FAM135B: variants seen among roughly 807,000 people sequenced by gnomAD.
The protein encoded by FAM135B is family with sequence similarity 135 member B, also known as protein FAM135B.
FAM135B carries 43 observed loss-of-function variants against 127.7 expected under a neutral mutation model. The observed-to-expected ratio is 0.34, with a 90% CI of 0.26 to 0.43. FAM135B has a LOEUF of 0.43. FAM135B is among the 20% of genes least tolerant of loss of function. FAM135B has a pLI of 1.00. For missense variants in FAM135B, 1,558 were observed against 1,725.6 expected (o/e 0.90, Z 1.72); for synonymous variants, 670 against 665.1 (o/e 1.01, Z -0.11).
At chr8:138,276,741 C>T (rs1053426704) in intron 3 of FAM135B, among the ~76,000 whole-genome samples, 5 of 152,316 alleles carry the variant, frequency 3.3e-5, no homozygotes, top group Admixed American at 2.0e-4. Context: ...CACACCCACA[C>T]ACCAGGGTTG....
At chr8:138,300,729 G>A (rs545472703) in intron 3 of FAM135B, among the ~76,000 whole-genome samples, 10 of 144,670 alleles carry the variant, frequency 6.9e-5, no homozygotes, top group African/African-American at 1.8e-4. Context: ...TTTTCTTCCC[G>A]TGCCATTTTA....
chr8:138,427,052 A>T (rs1834928142), intron 1 of FAM135B, among the ~76,000 whole-genome samples: 1 of 152,000 alleles, frequency 6.6e-6, no homozygotes, highest in Non-Finnish European at 1.5e-5. Context: ...CAGAAAAAAT[A>T]TATACTGTCT....
chr8:138,169,637 CT>C (rs1185051395), intron 11 of FAM135B, among the ~76,000 whole-genome samples: 1 of 151,968 alleles, frequency 6.6e-6, no homozygotes, highest in Non-Finnish European at 1.5e-5. Context: ...AATTCTGTAC[CT>C]TTTGCCACCT....
At chr8:138,342,076 G>A (rs1829087939) in intron 2 of FAM135B, among the ~76,000 whole-genome samples, 4 of 152,146 alleles carry the variant, frequency 2.6e-5, no homozygotes, top group South Asian at 2.1e-4. Flanking sequence ...CCTACTAGGC[G>A]TCAAGCACTC....
intron 7 of FAM135B, among the ~76,000 whole-genome samples, chr8:138,225,655 G>GTC (rs1819369273): frequency 1.3e-5 from 2 of 152,066 alleles, no homozygotes; most frequent in Admixed American, 1.3e-4. Context: ...GTTTAATAAG[G>GTC]CACTGCTCTT....
chr8:138,440,848 T>C (rs545848923), intron 1 of FAM135B: 8 of 152,318 alleles, frequency 5.3e-5, no homozygotes, highest in East Asian at 1.9e-4. Flanking sequence ...CCAATTTCCA[T>C]GCCCCTTGGT....
At chr8:138,347,861 G>A (rs981959308) in intron 2 of FAM135B, among the ~76,000 whole-genome samples, 1 of 152,126 alleles carries the variant, frequency 6.6e-6, no homozygotes, top group East Asian at 1.9e-4. Flanking sequence ...TCTGTGTCTT[G>A]GTTCCCTTAC....
chr8:138,130,988 C>T lies in FAM135B; in HGVS notation c.*1605G>A, dbSNP rs1419457974. 1 of 152,212 alleles carries T rather than the reference C, an allele frequency of 6.6e-6. No homozygotes were observed. Among genetic ancestry groups the T allele is most frequent in the Non-Finnish European group, 1.5e-5 (1 of 68,050 alleles). The allele number at this position is 152,212 out of a possible 1,614,324, so 9.4% of individuals were successfully genotyped here. ...CATTCAACTCTCCCTCAACGACCCT[C>T]TCTTTCTTCAAAAGAATACCACATG... On this transcript the variant is annotated 3_prime_UTR_variant, in exon 20 of 20. Coordinates refer to ENST00000395297, the MANE Select transcript of FAM135B (RefSeq NM_015912.4).
chr8:138,426,028 T>TACACACAC (rs527267067), intron 1 of FAM135B, among the ~76,000 whole-genome samples: 1 of 42,984 alleles, frequency 2.3e-5, no homozygotes, highest in Non-Finnish European at 4.5e-5. Flanking sequence ...CACATACATA[T>TACACACAC]ACACACACAC....
chr8:138,238,350 GA>G (rs1293178789), intron 7 of FAM135B, among the ~76,000 whole-genome samples: 2 of 152,076 alleles, frequency 1.3e-5, no homozygotes, highest in Non-Finnish European at 2.9e-5. Flanking sequence ...TATATCCTTT[GA>G]CTGATAAGCC....
chr8:138,239,916 G>A (rs547039309), intron 7 of FAM135B, among the ~76,000 whole-genome samples: 53 of 149,232 alleles, frequency 3.6e-4, no homozygotes, highest in African/African-American at 1.2e-3. Flanking sequence ...ACCAAACACC[G>A]CATGTTCTCA....
chr8:138,201,933 C>T lies in FAM135B; in HGVS notation c.670-4264G>A, dbSNP rs535317649. The stretch of plus-strand genomic sequence containing the variant: ...AGGAGGTCGGGAGTTCGAGACCAGC[C>T]TTACCAACATGGAGAAACTCCCTCT... On this transcript the variant is annotated intron_variant, in intron 7 of 19. Coordinates refer to ENST00000395297, the MANE Select transcript of FAM135B (RefSeq NM_015912.4). Among the ~76,000 whole-genome samples the T allele has an allele frequency of 1.4e-3, 210 of 152,090 alleles. 8 individuals are homozygous for T. In the South Asian group the frequency reaches 0.042, roughly 31 times the overall value.
intron 6 of FAM135B, among the ~76,000 whole-genome samples, chr8:138,250,636 G>A (rs1245830369): frequency 1.3e-5 from 2 of 152,130 alleles, no homozygotes; most frequent in African/African-American, 2.4e-5. Flanking sequence ...GCAGGTTTTC[G>A]ACTTCCGGGT....
intron 1 of FAM135B, among the ~76,000 whole-genome samples, chr8:138,405,083 C>G (rs978075717): frequency 6.6e-6 from 1 of 152,090 alleles, no homozygotes; most frequent in Non-Finnish European, 1.5e-5. Context: ...ACTTGAAAGT[C>G]AAAATTACCC....
At chr8:138,169,734 G>A (rs4909739) in intron 11 of FAM135B, among the ~76,000 whole-genome samples, 106,186 of 152,010 alleles carry the variant, frequency 0.7, 38,406 homozygotes, top group East Asian at 0.98. Context: ...TGCACAGGCT[G>A]GGAAGTACAC....
chr8:138,323,569 A>C (rs2130955824), intron 2 of FAM135B, among the ~76,000 whole-genome samples: 1 of 152,342 alleles, frequency 6.6e-6, no homozygotes, highest in South Asian at 2.1e-4. Flanking sequence ...CAGAAGGAGA[A>C]GTCTGAGTCC....
chr8:138,179,680 A>T (rs1210122539), intron 9 of FAM135B, among the ~76,000 whole-genome samples: 1 of 152,000 alleles, frequency 6.6e-6, no homozygotes, highest in Admixed American at 6.6e-5. Context: ...TCCTCCTCAC[A>T]CTACTCCACA....
At chr8:138,404,205 T>C (rs1833320402) in intron 1 of FAM135B, among the ~76,000 whole-genome samples, 1 of 152,166 alleles carries the variant, frequency 6.6e-6, no homozygotes, top group African/African-American at 2.4e-5. Flanking sequence ...TTTTGGTTTC[T>C]CAGTGCATAT....
intron 2 of FAM135B, among the ~76,000 whole-genome samples, chr8:138,364,814 A>C (rs1830640279): frequency 6.6e-6 from 1 of 152,200 alleles, no homozygotes; most frequent in Non-Finnish European, 1.5e-5. Flanking sequence ...CATGTTTTAA[A>C]AATAGATATT....
Sources: gnomAD v4.1 joint callset for allele counts (sites outside exome capture counted in the v4.1 genomes callset) on GRCh38, gnomAD v4.1.1 for gene constraint, MANE v1.5 for transcripts, NCBI Gene and HGNC (gene_info 2026-07-23, HGNC 2026-07-21) for gene names.